Variants in RUNX1T1 observed in about 807,000 individuals in gnomAD.
The protein encoded by RUNX1T1 is protein CBFA2T1.
A neutral mutation model predicts 62.8 loss-of-function variants in RUNX1T1; 4 were observed. The ratio of observed to expected loss-of-function variants is 0.06; its 90% CI spans 0.03 to 0.15. The LOEUF (loss-of-function observed/expected upper bound fraction) is 0.15, where lower values mean the gene tolerates loss of function less well. Among genes scored for constraint, RUNX1T1 ranks in the 10% least tolerant of loss-of-function variants. The pLI is 1.00. For synonymous variants in RUNX1T1, 291 were observed against 286.0 expected, an observed-to-expected ratio of 1.02 and a Z score of -0.18; for missense variants, 508 against 754.3, an observed-to-expected ratio of 0.67 and a Z score of 3.82.
At chr8:92,025,083 A>C (rs1385397246) in intron 1 of RUNX1T1, among the ~76,000 whole-genome samples, 6 of 152,184 alleles carry the variant, frequency 3.9e-5, no homozygotes, top group Non-Finnish European at 7.4e-5. Context: ...TTCTAGACCC[A>C]AACTTCCAGA....
chr8:92,040,055 G>C (rs1275842993), intron 1 of RUNX1T1, among the ~76,000 whole-genome samples: 1 of 152,126 alleles, frequency 6.6e-6, no homozygotes, highest in Non-Finnish European at 1.5e-5. Context: ...CTACTTATAA[G>C]ACTTGACATT....
intron 8 of RUNX1T1, 56 bp downstream of exon 9, chr8:91,986,068 G>A (rs1816492078): frequency 1.7e-6 from 2 of 1,143,646 alleles, no homozygotes; most frequent in African/African-American, 3.0e-5. Flanking sequence ...AATGAAGTCA[G>A]CATTAACAGC....
At chr8:92,013,292 T>C (rs1376232715) in intron 3 of RUNX1T1, among the ~76,000 whole-genome samples, 5 of 152,226 alleles carry the variant, frequency 3.3e-5, no homozygotes, top group Non-Finnish European at 7.3e-5. Flanking sequence ...TGGAAGTTTA[T>C]GAGGTGGAGC....
At chr8:92,097,760 T>C (rs1464826112) in intron 1 of RUNX1T1, among the ~76,000 whole-genome samples, 1 of 152,210 alleles carries the variant, frequency 6.6e-6, no homozygotes, top group Non-Finnish European at 1.5e-5. Flanking sequence ...TGCACAGTAT[T>C]TCTATTAGTA....
chr8:92,070,470 G>A (rs1364179580), intron 2 of RUNX1T1, among the ~76,000 whole-genome samples: 3 of 152,108 alleles, frequency 2.0e-5, no homozygotes. Context: ...TAACACTTAT[G>A]GCAGAGCTAC....
chr8:91,982,299 C>T (rs757040675), intron 8 of RUNX1T1, among the ~76,000 whole-genome samples: 48 of 149,500 alleles, frequency 3.2e-4, no homozygotes, highest in African/African-American at 7.4e-4. Context: ...ACAAAAAGAG[C>T]GCACACAGAT....
At chr8:92,006,511 T>G (rs1383321535) in intron 4 of RUNX1T1, 1 of 152,104 alleles carries the variant, frequency 6.6e-6, no homozygotes, top group African/African-American at 2.4e-5. Flanking sequence ...CCCAACAGCC[T>G]TAAAAAATAG....
At chr8:92,085,174 C>T (rs1211696640) in intron 1 of RUNX1T1, among the ~76,000 whole-genome samples, 3 of 152,204 alleles carry the variant, frequency 2.0e-5, no homozygotes, top group African/African-American at 4.8e-5. Flanking sequence ...TCACTATACT[C>T]GACTGCCTTC....
At chr8:91,983,163 G>A (rs912493587) in intron 8 of RUNX1T1, among the ~76,000 whole-genome samples, 8 of 151,190 alleles carry the variant, frequency 5.3e-5, no homozygotes, top group Admixed American at 2.0e-4. Flanking sequence ...TCCAACCCCC[G>A]ACCTCGTGAT....
intron 2 of RUNX1T1, among the ~76,000 whole-genome samples, chr8:92,074,607 G>T (rs1180338242): frequency 1.3e-5 from 2 of 152,160 alleles, no homozygotes; most frequent in African/African-American, 2.4e-5. Flanking sequence ...ATTATTATTA[G>T]ATTTTTCCTT....
intron 1 of RUNX1T1, among the ~76,000 whole-genome samples, chr8:92,021,521 CA>C (rs1368616056): frequency 6.6e-6 from 1 of 152,082 alleles, no homozygotes; most frequent in Admixed American, 6.5e-5. Flanking sequence ...TGCTAAGAAT[CA>C]TGAAATGACA....
chr8:92,036,334 G>C (rs1489612369), intron 1 of RUNX1T1, among the ~76,000 whole-genome samples: 1 of 152,206 alleles, frequency 6.6e-6, no homozygotes, highest in Non-Finnish European at 1.5e-5. Flanking sequence ...ATACAGGAAA[G>C]TGTTCTCAAT....
chr8:92,057,790 A>T (rs1831276190), intron 1 of RUNX1T1, among the ~76,000 whole-genome samples: 1 of 152,202 alleles, frequency 6.6e-6, no homozygotes, highest in Admixed American at 6.5e-5. Context: ...GAGTCATTTA[A>T]GTTAATGATT....
At chr8:91,966,848 CAAGTA>C (rs1281054795) in intron 10 of RUNX1T1, among the ~76,000 whole-genome samples, 1 of 151,960 alleles carries the variant, frequency 6.6e-6, no homozygotes, top group Non-Finnish European at 1.5e-5. Flanking sequence ...CCTATAAATC[CAAGTA>C]AAGTTTGAGA....
At chr8:92,035,722 T>C (rs1294328917) in intron 1 of RUNX1T1, among the ~76,000 whole-genome samples, 2 of 152,092 alleles carry the variant, frequency 1.3e-5, no homozygotes, top group Admixed American at 6.5e-5. Context: ...TGCTAATAAA[T>C]ATTCCCTAAG....
rs748518350 is a variant in RUNX1T1, at chr8:91,986,199, A to T, written c.1123T>A (p.Leu375Ile). The change falls in exon 8 of 11, where the codon TTA becomes ATA. Residue 375 changes from leucine to isoleucine, a missense_variant. This residue lies in a region of RUNX1T1 where 68 missense variants were observed against 75.3 expected (regional missense o/e 0.90). Coordinates refer to ENST00000396218, the Ensembl canonical transcript of RUNX1T1. ...CTGCTACTGCCGCCACCTTTTTTTA[A>T]GTCCTCGGCGTCACTGTACCGCCGG... 5 of 1,614,062 alleles carry T rather than the reference A, an allele frequency of 3.1e-6. No individual in the cohort carries two copies. In the South Asian group the frequency reaches 5.5e-5, roughly 18 times the overall value.
chr8:92,014,548 A>C, intron 3 of RUNX1T1, 31 bp downstream of exon 4: 1 of 1,567,100 alleles, frequency 6.4e-7, no homozygotes, highest in Non-Finnish European at 8.7e-7. Context: ...CCCTTACACC[A>C]AGAAAACTGG....
At chr8:92,007,624 G>A (rs538202550) in intron 4 of RUNX1T1, among the ~76,000 whole-genome samples, 2 of 152,178 alleles carry the variant, frequency 1.3e-5, no homozygotes, top group East Asian at 1.9e-4. Context: ...TATAGTCTAC[G>A]GCTCCTAGGC....
At chr8:92,016,191 A>G (rs1822961787) in intron 2 of RUNX1T1, among the ~76,000 whole-genome samples, 1 of 152,238 alleles carries the variant, frequency 6.6e-6, no homozygotes, top group African/African-American at 2.4e-5. Context: ...CAGGACTTTG[A>G]GATTTATTAA....
Sources: allele counts gnomAD v4.1 joint callset (sites outside exome capture counted in the v4.1 genomes callset), GRCh38; gene constraint gnomAD v4.1.1; regional missense constraint gnomAD v4.1.1; transcripts MANE v1.5; gene names NCBI Gene and HGNC (gene_info 2026-07-23, HGNC 2026-07-21).